Variants in ABCB5 observed in about 807,000 individuals in gnomAD.
ABCB5 encodes ATP binding cassette subfamily B member 5.
In ABCB5, 155 loss-of-function variants were observed where a neutral mutation model predicts 144.2. The observed-to-expected ratio is 1.08, with a 90% CI of 0.94 to 1.23. The LOEUF (loss-of-function observed/expected upper bound fraction) is 1.23. Ranked by LOEUF, ABCB5 falls within the 50% of genes most tolerant of loss-of-function variation. The pLI is 0.00. For synonymous variants in ABCB5, 610 were observed against 528.6 expected, an observed-to-expected ratio of 1.15 and a Z score of -2.11; for missense variants, 1,830 against 1,520.8, an observed-to-expected ratio of 1.20 and a Z score of -3.38.
intron 13 of ABCB5, among the ~76,000 whole-genome samples, chr7:20,657,028 C>A (rs764563966): frequency 1.3e-5 from 2 of 150,980 alleles, no homozygotes; most frequent in African/African-American, 2.4e-5. Context: ...CTCAGGCAGT[C>A]CTTCCACCTC....
Position 20,691,168 on chromosome 7 carries a change from CTTTTTTTTTTTTTTT to C in ABCB5, c.2010+5351_2010+5365del, listed in dbSNP as rs58696871. Among the ~76,000 whole-genome samples, 25 of 46,118 alleles carry C rather than the reference CTTTTTTTTTTTTTTT, an allele frequency of 5.4e-4. 1 individual carries two copies. Among genetic ancestry groups the C allele is most frequent in the Admixed American group, 1.3e-3 (3 of 2,320 alleles). The allele number at this position is 46,118 out of a possible 152,430, so 30.3% of individuals were successfully genotyped here. A position where few individuals can be genotyped will look rare whatever the true frequency, so the allele number is the denominator to read the frequency against. On this transcript the variant is annotated intron_variant, in intron 16 of 27. Transcript: ENST00000404938. ...GAAAACACAGACAAAACCCAGTGGACTTTTTTTTTTTTTTTTTTTTTTTTTTTTTTTTTGAGACGG... is the reference window on the plus strand; with the variant it reads ...GAAAACACAGACAAAACCCAGTGGACTTTTTTTTTTTTTTTTTTGAGACGG...
chr7:20,677,693 C>CA (rs1452977790), intron 14 of ABCB5, among the ~76,000 whole-genome samples: 8 of 152,246 alleles, frequency 5.3e-5, no homozygotes, highest in African/African-American at 1.9e-4. Context: ...CACACCACTG[C>CA]ACTCCAGCCT....
intron 26 of ABCB5, among the ~76,000 whole-genome samples, chr7:20,746,151 G>T (rs1399289805): frequency 6.6e-6 from 1 of 151,862 alleles, no homozygotes. Context: ...CCAGGCTAGA[G>T]TTCCATGGTG....
intron 16 of ABCB5, among the ~76,000 whole-genome samples, chr7:20,694,372 C>A (rs1583431041): frequency 6.6e-6 from 1 of 151,730 alleles, no homozygotes; most frequent in Non-Finnish European, 1.5e-5. Context: ...AAGAAAAAAC[C>A]AATTATCTCA....
At position 20,666,734 on chromosome 7, in the gene ABCB5, A is replaced by G. The variant is rs754999082; in HGVS notation, c.1707+8058A>G. 3 of 1,597,030 alleles carry G rather than the reference A, an allele frequency of 1.9e-6. No homozygotes were observed. The East Asian group carries it at 6.7e-5, about 36-fold the overall frequency. On this transcript the variant is annotated intron_variant, in intron 14 of 27. Coordinates refer to ENST00000404938, the MANE Select transcript of ABCB5 (RefSeq NM_001163941.2). ...GAAGTAGGATAGGAGATACTAGGAA[A>G]TTCTTTCAATATTGTATTTTCTAGA...
rs147516201 is a variant in ABCB5 at position 20,754,750 on chromosome 7, A to C, written c.3577-677A>C. Among the ~76,000 whole-genome samples, 197 of 152,314 alleles carry C rather than the reference A, an allele frequency of 1.3e-3. 3 individuals carry two copies. In the East Asian group the frequency reaches 0.02, roughly 15 times the overall value. On this transcript the variant is annotated intron_variant, in intron 27 of 27. Coordinates refer to ENST00000404938, the MANE Select transcript of ABCB5 (RefSeq NM_001163941.2). ...CTGACTTTGAGTTTAGAACTACTCA[A>C]AGAAATGATAGTAGAAATTTGAATA...
At chr7:20,639,929 G>C (rs1233270420) in intron 5 of ABCB5, among the ~76,000 whole-genome samples, 1 of 152,160 alleles carries the variant, frequency 6.6e-6, no homozygotes, top group East Asian at 1.9e-4. Flanking sequence ...TGAATCTATA[G>C]ATAAATTTGG....
chr7:20,752,866 C>G (rs1390063234), intron 26 of ABCB5, among the ~76,000 whole-genome samples: 1 of 151,986 alleles, frequency 6.6e-6, no homozygotes, highest in Non-Finnish European at 1.5e-5. Context: ...AAAAGTCAAC[C>G]TAACTTATTT....
intron 18 of ABCB5, 37 bp from the exon 19 acceptor site, chr7:20,700,021 G>T (rs1786562141): frequency 6.2e-7 from 1 of 1,605,530 alleles, no homozygotes; most frequent in Non-Finnish European, 8.5e-7. Flanking sequence ...ATGTTACAAA[G>T]GAAAAGAACG....
intron 1 of ABCB5, among the ~76,000 whole-genome samples, chr7:20,619,756 C>T (rs908993623): frequency 2.6e-5 from 4 of 152,222 alleles, no homozygotes; most frequent in South Asian, 2.1e-4. Flanking sequence ...TTGCCAAGGC[C>T]GATGACAACA....
chr7:20,742,697 A>G (rs1175937236), intron 24 of ABCB5, among the ~76,000 whole-genome samples, 180 bp from the exon 25 acceptor site: 1 of 152,216 alleles, frequency 6.6e-6, no homozygotes, highest in Non-Finnish European at 1.5e-5. Flanking sequence ...ACAAAAAAAT[A>G]TAAACAAAAG....
rs769362891 is a variant in ABCB5 at position 20,651,453 on chromosome 7, A to G, written c.1366A>G (p.Asn456Asp). ...MVDENDIRAL[N>D]VRHYRDHIGV... ...GGATGAGAATGACATCAGAGCTTTA[A>G]ATGTGCGGCATTATCGAGACCATAT... Residue 456 changes from asparagine to aspartate, a missense_variant, in exon 13 of 28, where the codon AAT becomes GAT. Asn to Asp is a conservative substitution (Grantham distance 23). Transcript: ENST00000404938. The G allele has an allele frequency of 1.5e-5, 25 of 1,614,082 alleles. No individual in the cohort carries two copies. Among genetic ancestry groups the G allele is most frequent in the Non-Finnish European group, 2.1e-5 (25 of 1,180,006 alleles).
In ABCB5 at chr7:20,699,929, G is replaced by A. The variant is rs769877561; in HGVS notation, c.2259G>A (p.Gln753=). The A allele has an allele frequency of 1.1e-5, 18 of 1,610,098 alleles. No individual in the cohort carries two copies. In the South Asian group the frequency reaches 1.8e-4, roughly 16 times the overall value. The change falls in exon 18 of 28, where the codon CAG becomes CAA. Residue 753 remains glutamine (Q), a splice_region_variant and synonymous_variant. Coordinates refer to ENST00000404938, the MANE Select transcript of ABCB5 (RefSeq NM_001163941.2). The part of the protein sequence containing the change: ...GVICFVSYFM[Q]GLFYGRAGEI... Reference sequence around the variant, plus strand: ...TTTGCTTTGTCAGTTATTTCATGCAGGTAAGCTTTTAATAAACAAGCCTGA... The same window carrying A: ...TTTGCTTTGTCAGTTATTTCATGCAAGTAAGCTTTTAATAAACAAGCCTGA...
intron 23 of ABCB5, among the ~76,000 whole-genome samples, chr7:20,736,277 A>G (rs113473125): frequency 0.21 from 32,344 of 151,908 alleles, 3,571 homozygotes; most frequent in African/African-American, 0.22. Context: ...GAGTGCAGTG[A>G]CGTGATCTCA....
At chr7:20,738,959 T>C in intron 23 of ABCB5, 24 bp from the exon 24 acceptor site, 2 of 1,562,428 alleles carry the variant, frequency 1.3e-6, no homozygotes, top group African/African-American at 1.4e-5. Flanking sequence ...GGACCTAAGA[T>C]TCAAATGCTT....
At chr7:20,735,582 A>T (rs920798199) in intron 23 of ABCB5, among the ~76,000 whole-genome samples, 1 of 152,252 alleles carries the variant, frequency 6.6e-6, no homozygotes, top group Non-Finnish European at 1.5e-5. Flanking sequence ...ATTATCCGGA[A>T]GAGACAGACA....
chr7:20,677,622 G>A (rs1284456606), intron 14 of ABCB5, among the ~76,000 whole-genome samples: 3 of 152,052 alleles, frequency 2.0e-5, no homozygotes, highest in Non-Finnish European at 2.9e-5. Context: ...CCAGCTACTC[G>A]GGAGGCTGAG....
chr7:20,720,478 A>G (rs1012338522), intron 20 of ABCB5, among the ~76,000 whole-genome samples: 1 of 152,186 alleles, frequency 6.6e-6, no homozygotes, highest in African/African-American at 2.4e-5. Flanking sequence ...AATGGGACCA[A>G]TCAAAACTGC....
chr7:20,660,538 C>G (rs903310982), intron 14 of ABCB5: 3 of 478,990 alleles, frequency 6.3e-6, no homozygotes, highest in African/African-American at 2.1e-5. Context: ...AGTTCAAATA[C>G]AGGCAGGGTG....
Sources: gnomAD v4.1 joint callset for allele counts (sites outside exome capture counted in the v4.1 genomes callset) on GRCh38, gnomAD v4.1.1 for gene constraint, MANE v1.5 for transcripts, NCBI Gene and HGNC (gene_info 2026-07-23, HGNC 2026-07-21) for gene names.